The following FBF1 variants were observed in gnomAD, a reference collection of about 807,000 sequenced individuals.
FBF1 encodes Fas binding factor 1, also known as fas-binding factor 1.
Under a neutral mutation model 147.2 loss-of-function variants are expected in FBF1, and 119 were observed. The observed-to-expected ratio is 0.81, with a 90% confidence interval of 0.70 to 0.94. The LOEUF (loss-of-function observed/expected upper bound fraction) is 0.94. FBF1 is among the 40% of genes least tolerant of loss of function. The probability of loss-of-function intolerance (pLI) is 0.00; values close to 1 mark genes in which losing one functional copy is unlikely to be tolerated. For synonymous variants in FBF1, 601 were observed against 609.0 expected (o/e 0.99, Z 0.19); for missense variants, 1,449 against 1,500.8 (o/e 0.97, Z 0.57).
At position 75,936,670 on chromosome 17, in the gene FBF1, G is replaced by A. The variant is rs187031215; in HGVS notation, c.31+896C>T. Reference sequence around the variant, plus strand: ...ACCCCGGGCAACAGAGCAAGACTCCGTCTTAAAAAAAAAAACAAAAAAACA... The same window carrying A: ...ACCCCGGGCAACAGAGCAAGACTCCATCTTAAAAAAAAAAACAAAAAAACA... On this transcript the variant is annotated intron_variant, in intron 3 of 29. Coordinates refer to ENST00000636174, the MANE Select transcript of FBF1 (RefSeq NM_001319193.2). Among the ~76,000 whole-genome samples, 70 of 151,520 alleles carry A rather than the reference G, an allele frequency of 4.6e-4. No homozygotes were observed. In the East Asian group the frequency reaches 0.013, roughly 27 times the overall value.
Position 75,923,202 on chromosome 17 carries a change from G to C in FBF1, c.1408C>G (p.His470Asp), listed in dbSNP as rs1329125357. The C allele has an allele frequency of 1.3e-6, 2 of 1,585,840 alleles. No individual in the cohort carries two copies. The highest frequency in any genetic ancestry group is 1.7e-6 in the Non-Finnish European group (2 of 1,166,774). The change falls in exon 14 of 30, where the codon CAT (histidine) becomes GAT (aspartate). Residue 470 changes from histidine (H) to aspartate (D), a missense_variant. By Grantham distance (81) the His-to-Asp change is moderately conservative. Transcript: ENST00000636174. This position sits in a 1 kb window ranked among gnomAD's most constrained non-coding sequence, Gnocchi z 4.1. ...AGTCAGTACCTGCCAGAAGGGGGAT[G>C]GCCCGCTGTCCCCGCCAAATGCAGG... Reference protein sequence around the residue: ...EGLHLAGTAGHPPSGSQPLTS... With the variant: ...EGLHLAGTAGDPPSGSQPLTS...
rs770622757 is a variant in FBF1, at chr17:75,914,927, G to T, written c.2634C>A (p.Ala878=). The change falls in exon 25 of 30, where the codon GCC becomes GCA. Residue 878 remains alanine, a synonymous_variant. Transcript: ENST00000636174. The part of the protein sequence containing the change: ...ERAELERAKS[A]LLEEQKSVML... ...TGACAGACTTCTGCTCCTCCAGCAA[G>T]GCGCTCTGGGATGTGGGGGTGAAGG... The T allele has an allele frequency of 1.9e-6, 3 of 1,611,546 alleles. No individual in the cohort carries two copies. In the South Asian group the frequency reaches 3.3e-5, roughly 18 times the overall value.
At chr17:75,916,062 G>A (rs1241690217) in intron 23 of FBF1, among the ~76,000 whole-genome samples, 1 of 148,774 alleles carries the variant, frequency 6.7e-6, no homozygotes, top group Admixed American at 6.7e-5. Context: ...GCTCACGCCT[G>A]TAATCCCTGC....
Position 75,919,909 on chromosome 17 carries a change from G to A in FBF1, c.1932-35C>T. 6.2e-7 allele frequency: 1 copy of A among 1,613,188 alleles called. No individual in the cohort carries two copies. The highest frequency in any genetic ancestry group is 8.5e-7 in the Non-Finnish European group (1 of 1,179,606). On this transcript the variant is annotated intron_variant, in intron 19 of 29. Coordinates refer to ENST00000636174, the MANE Select transcript of FBF1 (RefSeq NM_001319193.2). The surrounding 1 kb of genome is among the most constrained non-coding windows in gnomAD (Gnocchi z 5.0). ...GAACACCCAGCCATGGCGCAAGGAA[G>A]GCAGAGGGCTGCCGCCTAAAGGCCT...
At chr17:75,935,787 G>C in intron 3 of FBF1, 114 bp from the exon 4 acceptor site, 3 of 941,878 alleles carry the variant, frequency 3.2e-6, no homozygotes, top group Non-Finnish European at 4.6e-6. Flanking sequence ...TTGGGACTTA[G>C]GCTTAGCTCT....
In FBF1 at chr17:75,923,566, G is replaced by T. The variant is rs760558926; in HGVS notation, c.1044C>A (p.Ser348Arg). The T allele has an allele frequency of 6.2e-7, 1 of 1,610,028 alleles. No homozygotes were observed. The highest frequency in any genetic ancestry group is 8.5e-7 in the Non-Finnish European group (1 of 1,178,494). ...GSKQSPPMASSPIQPRKGGAD... is the reference protein window; with the variant it reads ...GSKQSPPMASRPIQPRKGGAD... Reference sequence around the variant, plus strand: ...CTCCTCCCTTCCTGGGCTGGATGGGGCTGGAAGCCATTGGAGGGCTCTGTT... The same window carrying T: ...CTCCTCCCTTCCTGGGCTGGATGGGTCTGGAAGCCATTGGAGGGCTCTGTT... Residue 348 changes from serine (S) to arginine (R), a missense_variant, in exon 14 of 30, where the codon AGC becomes AGA. Coordinates refer to ENST00000636174, the MANE Select transcript of FBF1 (RefSeq NM_001319193.2). This position sits in a 1 kb window ranked among gnomAD's most constrained non-coding sequence, Gnocchi z 4.1.
intron 1 of FBF1, among the ~76,000 whole-genome samples, chr17:75,938,555 C>CA (rs34602242): frequency 0.43 from 25,416 of 58,602 alleles, 5,292 homozygotes; most frequent in African/African-American, 0.55. Context: ...GACTCCATCT[C>CA]AAAAAAAAAA....
rs2065554781 is a variant in FBF1 at position 75,925,500 on chromosome 17, T to C, written c.869-54A>G. 4 of 1,484,886 alleles carry C rather than the reference T, an allele frequency of 2.7e-6. No homozygotes were observed. Among genetic ancestry groups the C allele is most frequent in the African/African-American group, 1.4e-5 (1 of 71,258 alleles). The allele number at this position is 1,484,886 out of a possible 1,614,324, so 92.0% of individuals were successfully genotyped here. A position where few individuals can be genotyped will look rare whatever the true frequency, so the allele number is the denominator to read the frequency against. Reference sequence around the variant, plus strand: ...TCTGGAGTAGGGGAACCAAGCTCATTTGCGGCTGCAAAATTCTAACAAAAG... The same window carrying C: ...TCTGGAGTAGGGGAACCAAGCTCATCTGCGGCTGCAAAATTCTAACAAAAG... On this transcript the variant is annotated intron_variant, in intron 12 of 29. Coordinates refer to ENST00000636174, the MANE Select transcript of FBF1 (RefSeq NM_001319193.2). This position sits in a 1 kb window ranked among gnomAD's most constrained non-coding sequence, Gnocchi z 5.0.
rs1435194751 is a variant in FBF1, at chr17:75,917,993, G to A, written c.2324C>T (p.Ser775Leu). Residue 775 changes from serine to leucine, a missense_variant, in exon 22 of 30, where the codon TCG becomes TTG. Transcript: ENST00000636174. ...LHELSSRVEASHLTTSQEREL... is the reference protein window; with the variant it reads ...LHELSSRVEALHLTTSQEREL... ...CCGCTCCTGGGAGGTGGTGAGGTGC[G>A]AGGCCTCCACGCGGGAGGACAACTC... is the stretch of plus-strand genomic sequence containing the variant. The A allele has an allele frequency of 1.2e-6, 2 of 1,612,028 alleles. No individual in the cohort carries two copies. Among genetic ancestry groups the A allele is most frequent in the Non-Finnish European group, 1.7e-6 (2 of 1,178,888 alleles).
chr17:75,932,641 C>A (rs2065600948), intron 5 of FBF1, among the ~76,000 whole-genome samples: 1 of 152,098 alleles, frequency 6.6e-6, no homozygotes, highest in South Asian at 2.1e-4. Flanking sequence ...GTAATCCCAG[C>A]ACTTTGGGAG....
Position 75,909,681 on chromosome 17 carries a change from C to T in FBF1, c.*1042G>A. On this transcript the variant is annotated 3_prime_UTR_variant, in exon 30 of 30. Coordinates refer to ENST00000636174, the MANE Select transcript of FBF1 (RefSeq NM_001319193.2). ...GCTGTGGTCCAGCTGCCAGGTGCCACCGCAGACCGCAGGTGCTGGAGGGGA... is the reference window on the plus strand; with the variant it reads ...GCTGTGGTCCAGCTGCCAGGTGCCATCGCAGACCGCAGGTGCTGGAGGGGA... 1 of 573,888 alleles carries T rather than the reference C, an allele frequency of 1.7e-6. No individual in the cohort carries two copies. The highest frequency in any genetic ancestry group is 3.1e-6 in the Non-Finnish European group (1 of 321,476). The allele number at this position is 573,888 out of a possible 1,614,324, so 35.5% of individuals were successfully genotyped here. A position where few individuals can be genotyped will look rare whatever the true frequency, so the allele number is the denominator to read the frequency against.
In FBF1 at chr17:75,914,820, C is replaced by T. The variant is rs1038383863; in HGVS notation, c.2741G>A (p.Arg914Gln). 10 of 1,594,836 alleles carry T rather than the reference C, an allele frequency of 6.3e-6. No individual in the cohort carries two copies. The African/African-American group carries it at 8.1e-5, about 13-fold the overall frequency. Residue 914 changes from arginine (R) to glutamine (Q), a missense_variant, in exon 25 of 30, where the codon CGG becomes CAG. Physicochemically the swap from Arg to Gln is conservative, Grantham distance 43. Transcript: ENST00000636174. ...FSAQQKLSKE[R>Q]AEREAERALQ... ...TGCCCGCTCGGCCTCGCGCTCGGCC[C>T]GCTCCTTACTCAGCTTTTGCTGCGC... is the stretch of plus-strand genomic sequence containing the variant.
chr17:75,910,166 A>G lies in FBF1; in HGVS notation c.*557T>C. 2.4e-6 allele frequency: 1 copy of G among 409,984 alleles called. No individual in the cohort carries two copies. Among genetic ancestry groups the G allele is most frequent in the Non-Finnish European group, 4.7e-6 (1 of 211,274 alleles). The allele number at this position is 409,984 out of a possible 1,614,324, so 25.4% of individuals were successfully genotyped here. A position where few individuals can be genotyped will look rare whatever the true frequency, so the allele number is the denominator to read the frequency against. On this transcript the variant is annotated 3_prime_UTR_variant, in exon 30 of 30. Transcript: ENST00000636174. The surrounding 1 kb of genome is among the most constrained non-coding windows in gnomAD (Gnocchi z 4.1). ...GGCTCTGGGCAAGCCCAGGAGGAGG[A>G]GGGCCTGGCTGAGTTCCAGGAACAT... is the stretch of plus-strand genomic sequence containing the variant.
At chr17:75,911,765 C>T (rs1338127724) in intron 29 of FBF1, among the ~76,000 whole-genome samples, 1 of 152,162 alleles carries the variant, frequency 6.6e-6, no homozygotes, top group East Asian at 1.9e-4. Flanking sequence ...CCCACCATAG[C>T]CTCCCAAAGT....
chr17:75,932,878 T>TA (rs748502194), intron 5 of FBF1, 117 bp downstream of exon 5: 38,499 of 433,590 alleles, frequency 0.089, 85 homozygotes, highest in African/African-American at 0.094. Flanking sequence ...AAATATTCTC[T>TA]AAAAAAAAAA....
At chr17:75,931,405 G>T in intron 5 of FBF1, 116 bp from the exon 6 acceptor site, 3 of 869,962 alleles carry the variant, frequency 3.4e-6, no homozygotes, top group Non-Finnish European at 5.4e-6. Flanking sequence ...CCGGAGAACA[G>T]AGGTGCTAAA....
At chr17:75,937,724 T>C (rs145767349) in intron 2 of FBF1, 131 bp from the exon 3 acceptor site, 25 of 915,084 alleles carry the variant, frequency 2.7e-5, no homozygotes, top group Non-Finnish European at 3.7e-5. Context: ...CATTTAGAGA[T>C]GTAAGTCCTT....
intron 4 of FBF1, among the ~76,000 whole-genome samples, chr17:75,934,631 C>A (rs1186962186): frequency 6.6e-6 from 1 of 150,794 alleles, no homozygotes; most frequent in Non-Finnish European, 1.5e-5. Flanking sequence ...GTAATCCCAG[C>A]ACTTTGGGAG....
At position 75,915,066 on chromosome 17, in the gene FBF1, A is replaced by G; in HGVS notation, c.2579T>C (p.Val860Ala). The G allele has an allele frequency of 6.2e-7, 1 of 1,613,346 alleles. No homozygotes were observed. The highest frequency in any genetic ancestry group is 1.6e-4 in the Middle Eastern group (1 of 6,062). Residue 860 changes from valine to alanine, a missense_variant, in exon 24 of 30, where the codon GTC becomes GCC. Val to Ala is a moderately conservative substitution (Grantham distance 64, BLOSUM62 0). Transcript: ENST00000636174. The part of the protein sequence containing the change: ...MQRALEEQRK[V>A]TAQQMAMERA... The stretch of plus-strand genomic sequence containing the variant: ...TTCCATGGCCATCTGCTGGGCCGTG[A>G]CCTTCCTTTGCTCCTCTAGGGCGCG...
Sources: allele counts gnomAD v4.1 joint callset (sites outside exome capture counted in the v4.1 genomes callset), GRCh38; gene constraint gnomAD v4.1.1; non-coding constraint Gnocchi (gnomAD v3.1); transcripts MANE v1.5; gene names NCBI Gene and HGNC (gene_info 2026-07-23, HGNC 2026-07-21).